PPM1L: variants seen among roughly 807,000 people sequenced by gnomAD.
PPM1L encodes protein phosphatase, Mg2+/Mn2+ dependent 1L, also known as protein phosphatase 1L.
Under a neutral mutation model 31.4 loss-of-function variants are expected in PPM1L, and 13 were observed. The observed-to-expected ratio is 0.41, with a 90% CI of 0.27 to 0.66. The LOEUF (loss-of-function observed/expected upper bound fraction) is 0.66, where lower values mean the gene tolerates loss of function less well. PPM1L is among the 30% of genes least tolerant of loss of function. The pLI, the probability that PPM1L is intolerant of heterozygous loss-of-function variation, is 0.29. For synonymous variants in PPM1L, 184 were observed against 175.4 expected (o/e 1.05, Z -0.39); for missense variants, 326 against 453.7 (o/e 0.72, Z 2.56).
chr3:160,829,075 A>G (rs1315984012), intron 1 of PPM1L, among the ~76,000 whole-genome samples: 7 of 151,944 alleles, frequency 4.6e-5, no homozygotes, highest in Non-Finnish European at 2.9e-5. Context: ...CATTGGCACA[A>G]GGAAGAACAA....
chr3:160,848,512 A>G (rs922272148), intron 1 of PPM1L, among the ~76,000 whole-genome samples: 1 of 152,138 alleles, frequency 6.6e-6, no homozygotes, highest in Non-Finnish European at 1.5e-5. Flanking sequence ...CAACTATTAC[A>G]TGTCAACAGG....
At chr3:161,045,813 T>A (rs149400837) in intron 2 of PPM1L, among the ~76,000 whole-genome samples, 1 of 151,964 alleles carries the variant, frequency 6.6e-6, no homozygotes, top group African/African-American at 2.4e-5. Context: ...CAAAAAACCC[T>A]TCAAAAAATC....
At chr3:160,891,075 C>G (rs1161881873) in intron 1 of PPM1L, among the ~76,000 whole-genome samples, 3 of 152,154 alleles carry the variant, frequency 2.0e-5, no homozygotes, top group Non-Finnish European at 2.9e-5. Flanking sequence ...GCAAAGACTT[C>G]ATGATGGAAA....
Position 160,808,352 on chromosome 3 carries a change from G to T in PPM1L, c.399+51645G>T, listed in dbSNP as rs145599886. Among the ~76,000 whole-genome samples, 18 of 132,906 alleles carry T rather than the reference G, an allele frequency of 1.4e-4. No homozygotes were observed. In the East Asian group the frequency reaches 3.5e-3, roughly 26 times the overall value. 87.2% of individuals were successfully genotyped at this position (132,906 alleles called of 152,430 possible). On this transcript the variant is annotated intron_variant, in intron 1 of 3. Transcript: ENST00000498165. ...ATGTGTGGTGGGTGAGGGAAGCTGG[G>T]CTTCATAAGAGCTGCAGTGCCAGGA... is the stretch of plus-strand genomic sequence containing the variant.
chr3:160,997,814 A>G (rs1218125355), intron 2 of PPM1L, among the ~76,000 whole-genome samples: 1 of 152,168 alleles, frequency 6.6e-6, no homozygotes, highest in Non-Finnish European at 1.5e-5. Context: ...CGCATTTTAT[A>G]AATTTCCTCC....
chr3:161,027,177 A>C (rs1300397905), intron 2 of PPM1L, among the ~76,000 whole-genome samples: 1 of 152,216 alleles, frequency 6.6e-6, no homozygotes, highest in African/African-American at 2.4e-5. Context: ...AATTCAAGCA[A>C]TTTTATGTAA....
intron 1 of PPM1L, among the ~76,000 whole-genome samples, chr3:160,758,372 G>A (rs1248049209): frequency 6.6e-6 from 1 of 152,042 alleles, no homozygotes; most frequent in Non-Finnish European, 1.5e-5. Flanking sequence ...GAAGGAAGCT[G>A]TGATTCCTTC....
intron 1 of PPM1L, among the ~76,000 whole-genome samples, chr3:160,866,077 C>G (rs965768943): frequency 3.3e-5 from 5 of 152,100 alleles, no homozygotes; most frequent in African/African-American, 4.8e-5. Context: ...TTAGGTTATC[C>G]TGGACCATTG....
At chr3:160,992,297 T>TA (rs1717158835) in intron 2 of PPM1L, among the ~76,000 whole-genome samples, 1 of 152,214 alleles carries the variant, frequency 6.6e-6, no homozygotes, top group African/African-American at 2.4e-5. Flanking sequence ...GTAGTGCTGT[T>TA]ACAGCTTTAT....
At chr3:160,915,989 A>C (rs1362597554) in intron 1 of PPM1L, among the ~76,000 whole-genome samples, 3 of 152,374 alleles carry the variant, frequency 2.0e-5, no homozygotes, top group Non-Finnish European at 2.9e-5. Context: ...CATTCAGGAC[A>C]TAGGCATGGG....
intron 2 of PPM1L, among the ~76,000 whole-genome samples, chr3:161,019,717 C>T (rs894775705): frequency 6.6e-6 from 1 of 152,144 alleles, no homozygotes; most frequent in African/African-American, 2.4e-5. Context: ...TCAGTTAGCT[C>T]AGGGCATTTA....
chr3:160,790,710 T>C (rs1712079691), intron 1 of PPM1L, among the ~76,000 whole-genome samples: 1 of 151,862 alleles, frequency 6.6e-6, no homozygotes, highest in African/African-American at 2.4e-5. Flanking sequence ...TTTTTGGAGG[T>C]AGAACAGAGT....
At chr3:160,903,206 GTT>G (rs1491178434) in intron 1 of PPM1L, among the ~76,000 whole-genome samples, 22 of 104,394 alleles carry the variant, frequency 2.1e-4, no homozygotes, top group Admixed American at 5.6e-4. Flanking sequence ...ATGTGTGTAT[GTT>G]TGTGTGTGTG....
chr3:160,772,857 C>G (rs1442988923), intron 1 of PPM1L, among the ~76,000 whole-genome samples: 4 of 151,904 alleles, frequency 2.6e-5, no homozygotes, highest in African/African-American at 9.7e-5. Flanking sequence ...TTTCTCAGCA[C>G]AATTATTTTG....
chr3:161,015,939 G>A (rs909189505), intron 2 of PPM1L, among the ~76,000 whole-genome samples: 1 of 152,110 alleles, frequency 6.6e-6, no homozygotes, highest in Admixed American at 6.5e-5. Context: ...TAAAAAGTGA[G>A]GAGTGCCCAC....
chr3:160,772,016 G>A (rs1406671270), intron 1 of PPM1L, among the ~76,000 whole-genome samples: 2 of 152,060 alleles, frequency 1.3e-5, no homozygotes, highest in African/African-American at 4.8e-5. Flanking sequence ...GGCCTGACCT[G>A]TTTTTATAAA....
chr3:160,945,319 TA>T (rs1443138996), intron 1 of PPM1L, among the ~76,000 whole-genome samples: 1 of 151,850 alleles, frequency 6.6e-6, no homozygotes, highest in African/African-American at 2.4e-5. Context: ...AGGCAATATA[TA>T]AACAAATGGG....
intron 1 of PPM1L, among the ~76,000 whole-genome samples, chr3:160,924,243 C>CA (rs35041304): frequency 0.27 from 41,393 of 152,044 alleles, 5,905 homozygotes; most frequent in East Asian, 0.51. Flanking sequence ...GGGCTGTGAG[C>CA]AAAACCCAGC....
chr3:160,854,817 C>G (rs1040862497), intron 1 of PPM1L, among the ~76,000 whole-genome samples: 1 of 133,106 alleles, frequency 7.5e-6, no homozygotes, highest in Admixed American at 8.2e-5. Flanking sequence ...CTATTTCTAT[C>G]AAACTACCAA....
Sources: allele counts gnomAD v4.1 joint callset (sites outside exome capture counted in the v4.1 genomes callset), GRCh38; gene constraint gnomAD v4.1.1; transcripts MANE v1.5; gene names NCBI Gene and HGNC (gene_info 2026-07-23, HGNC 2026-07-21).